COL6A5: variants seen among roughly 807,000 people sequenced by gnomAD.
COL6A5 encodes collagen type VI alpha 5 chain.
COL6A5 carries 48 observed loss-of-function variants against 65.6 expected under a neutral mutation model. The observed-to-expected ratio is 0.73, with a 90% CI of 0.58 to 0.93. The LOEUF (loss-of-function observed/expected upper bound fraction) is 0.93. Among genes scored for constraint, COL6A5 ranks in the 40% least tolerant of loss-of-function variants. The pLI is 0.00. For missense variants in COL6A5, 914 were observed against 928.3 expected, an observed-to-expected ratio of 0.98 and a Z score of 0.20; for synonymous variants, 291 against 322.8, an observed-to-expected ratio of 0.90 and a Z score of 1.05.
Position 130,447,609 on chromosome 3 carries a change from C to T in COL6A5, c.1332+4043C>T, listed in dbSNP as rs147305356. Among the ~76,000 whole-genome samples the T allele has an allele frequency of 6.1e-3, 920 of 152,040 alleles. 6 individuals are homozygous for T. Among genetic ancestry groups the T allele is most frequent in the African/African-American group, 0.02 (848 of 41,466 alleles). On this transcript the variant is annotated intron_variant, in intron 4 of 7. Transcript: ENST00000512836. ...AGAAAGGGTGTCTATGTTGGCAAAC[C>T]GCGTGTTGTAACCTTGAAAATAAAG...
intron 1 of COL6A5, among the ~76,000 whole-genome samples, chr3:130,362,310 ATATATATATATATATATTTTTTTTTT>A (rs1391790251): frequency 2.6e-5 from 2 of 76,792 alleles, no homozygotes; most frequent in African/African-American, 1.5e-4. Flanking sequence ...ATATATATAT[ATATATATATATATATATTTTTTTTTT>A]TTTTTTTTTT....
intron 7 of COL6A5, 45 bp downstream of exon 7, chr3:130,391,799 T>C: frequency 7.1e-7 from 1 of 1,411,916 alleles, no homozygotes; most frequent in South Asian, 1.4e-5. Flanking sequence ...GCAATAAAAG[T>C]TTAAACAAAA....
chr3:130,360,120 G>A (rs1935058867), intron 1 of COL6A5, among the ~76,000 whole-genome samples: 2 of 151,994 alleles, frequency 1.3e-5, no homozygotes, highest in South Asian at 4.1e-4. Flanking sequence ...AGAAAAAAAG[G>A]AAGTTTTATG....
rs374750006 is a variant in COL6A5, at chr3:130,469,363, A to G, written c.2115A>G (p.Glu705=). The change falls in exon 6 of 8, where the codon GAA becomes GAG. Residue 705 remains glutamate, a synonymous_variant. Transcript: ENST00000512836. ...TTGGCCCTAAACACAATGACAAAGA[A>G]TTAGAAGAATTAGCCAGCCACCCTC... 239 of 1,612,930 alleles carry G rather than the reference A, an allele frequency of 1.5e-4. 1 individual carries two copies. Among genetic ancestry groups the G allele is most frequent in the African/African-American group, 1.2e-3 (93 of 74,984 alleles).
chr3:130,426,328 C>T (rs1199736447), intron 30 of COL6A5, 39 bp from the exon 31 acceptor site: 1 of 1,550,604 alleles, frequency 6.4e-7, no homozygotes, highest in African/African-American at 1.4e-5. Context: ...AGTCACTGTA[C>T]TTGCATTTCT....
chr3:130,475,986 TCTGGAGG>T (rs1481231473), intron 7 of COL6A5, among the ~76,000 whole-genome samples: 1 of 152,076 alleles, frequency 6.6e-6, no homozygotes, highest in African/African-American at 2.4e-5. Context: ...TTTACCAACA[TCTGGAGG>T]AAGGAATAAG....
chr3:130,376,255 C>T, exon 3 of COL6A5: 1 of 1,605,604 alleles, frequency 6.2e-7, no homozygotes, highest in Non-Finnish European at 8.5e-7. Context: ...CCTGTGTATG[C>T]AGATGTCGTG....
intron 10 of COL6A5, among the ~76,000 whole-genome samples, chr3:130,400,781 G>A (rs1229274834): frequency 6.6e-6 from 1 of 152,170 alleles, no homozygotes; most frequent in East Asian, 1.9e-4. Context: ...TTTGTAAATC[G>A]TTTCTCTTGA....
At chr3:130,457,067 C>CTT (rs11405403) in intron 5 of COL6A5, among the ~76,000 whole-genome samples, 24 of 151,942 alleles carry the variant, frequency 1.6e-4, no homozygotes, top group African/African-American at 5.1e-4. Flanking sequence ...TTAGTTAAAA[C>CTT]TTTTTTTATT....
rs193129373 is a variant in COL6A5, at chr3:130,418,281, C to A, written c.4888-588C>A. ...CTCCCTCCTGCGTGCCTGCCTCAGG[C>A]CTCTCACTAATGTCTTCCCTCTTCC... On this transcript the variant is annotated intron_variant and NMD_transcript_variant, in intron 24 of 41. Coordinates refer to the COL6A5 transcript ENST00000312481. 3.6e-3 allele frequency among the ~76,000 whole-genome samples: 542 copies of A among 152,122 alleles called. 1 individual carries two copies. The highest frequency in any genetic ancestry group is 5.7e-3 in the Non-Finnish European group (390 of 67,968).
At chr3:130,428,112 G>A (rs1412746434), upstream of COL6A5, among the ~76,000 whole-genome samples, 2 of 152,140 alleles carry the variant, frequency 1.3e-5, no homozygotes, top group Non-Finnish European at 2.9e-5. Flanking sequence ...GGGATTTGAA[G>A]GGAGAAGTTT....
intron 3 of COL6A5, among the ~76,000 whole-genome samples, chr3:130,377,454 G>A (rs1287893770): frequency 6.6e-6 from 1 of 152,204 alleles, no homozygotes; most frequent in African/African-American, 2.4e-5. Context: ...GATATATAGT[G>A]ATACTCAGTG....
intron 1 of COL6A5, among the ~76,000 whole-genome samples, chr3:130,363,176 T>C (rs1935204002): frequency 6.6e-6 from 1 of 152,222 alleles, no homozygotes; most frequent in African/African-American, 2.4e-5. Context: ...TCAGTTATAC[T>C]TCATTCTTTA....
rs553323705 is a variant in COL6A5, at chr3:130,421,023, A to C, written c.4951-130A>C. Reference sequence around the variant, plus strand: ...AGCAACACAATGTTCCCAGGGTTCAAGGTCACCAATTAGGCCCCTTCTGCA... The same window carrying C: ...AGCAACACAATGTTCCCAGGGTTCACGGTCACCAATTAGGCCCCTTCTGCA... On this transcript the variant is annotated intron_variant and NMD_transcript_variant, in intron 25 of 41. Transcript: ENST00000312481. 5.4e-6 allele frequency: 4 copies of C among 745,774 alleles called. No individual in the cohort carries two copies. The East Asian group carries it at 1.1e-4, about 20-fold the overall frequency. 46.2% of individuals were successfully genotyped at this position (745,774 alleles called of 1,614,324 possible). A position where few individuals can be genotyped will look rare whatever the true frequency, so the allele number is the denominator to read the frequency against.
At chr3:130,359,406 A>G (rs1166476032) in intron 1 of COL6A5, among the ~76,000 whole-genome samples, 3 of 152,126 alleles carry the variant, frequency 2.0e-5, no homozygotes, top group Non-Finnish European at 2.9e-5. Context: ...TTAATTTAAA[A>G]AAAATTAGAA....
chr3:130,387,823 G>A (rs528173527), intron 5 of COL6A5, among the ~76,000 whole-genome samples: 3 of 151,884 alleles, frequency 2.0e-5, no homozygotes, highest in East Asian at 1.9e-4. Context: ...CACAACATAT[G>A]TATCATGAAT....
chr3:130,444,088 AT>A (rs1466293017), intron 4 of COL6A5, among the ~76,000 whole-genome samples: 1 of 152,134 alleles, frequency 6.6e-6, no homozygotes, highest in Non-Finnish European at 1.5e-5. Flanking sequence ...TATTTCTCCC[AT>A]TTGCTTTTGA....
intron 24 of COL6A5, 23 bp from the exon 25 acceptor site, chr3:130,418,846 G>A (rs575000797): frequency 6.5e-7 from 1 of 1,544,594 alleles, no homozygotes; most frequent in Non-Finnish European, 8.8e-7. Context: ...CTGATCTGAA[G>A]CTCTTCTTGT....
At chr3:130,389,341 G>A (rs918368992) in intron 6 of COL6A5, among the ~76,000 whole-genome samples, 1 of 151,812 alleles carries the variant, frequency 6.6e-6, no homozygotes, top group African/African-American at 2.4e-5. Flanking sequence ...AGTTAGTATG[G>A]CATTGGTGAC....
Sources: allele counts gnomAD v4.1 joint callset (sites outside exome capture counted in the v4.1 genomes callset), GRCh38; gene constraint gnomAD v4.1.1; transcripts MANE v1.5; gene names NCBI Gene and HGNC (gene_info 2026-07-23, HGNC 2026-07-21).